CSMD2: variants seen among roughly 807,000 people sequenced by gnomAD.
CSMD2 encodes the protein CUB and sushi domain-containing protein 2.
In CSMD2, 130 loss-of-function variants were observed where a neutral mutation model predicts 398.5. That is an observed-to-expected ratio of 0.33 (90% confidence interval 0.28 to 0.38). The LOEUF is 0.38. Among genes scored for constraint, CSMD2 ranks in the 10% least tolerant of loss-of-function variants. CSMD2 has a pLI of 1.00. For missense variants in CSMD2, 3,829 were observed against 4,764.9 expected, an observed-to-expected ratio of 0.80 and a Z score of 5.78; for synonymous variants, 1,828 against 1,908.5, an observed-to-expected ratio of 0.96 and a Z score of 1.10.
chr1:33,750,718 CAG>C (rs1448602089), intron 13 of CSMD2, among the ~76,000 whole-genome samples: 1 of 152,088 alleles, frequency 6.6e-6, no homozygotes, highest in African/African-American at 2.4e-5. Context: ...TTGAAATTAG[CAG>C]AGAGAGGGTT....
chr1:33,801,356 G>T (rs534773541), intron 10 of CSMD2, among the ~76,000 whole-genome samples: 4 of 152,246 alleles, frequency 2.6e-5, no homozygotes, highest in Middle Eastern at 3.4e-3. Flanking sequence ...GTGTAGGTAG[G>T]GGGCATCAAG....
At chr1:33,904,552 C>T (rs1401176658) in intron 5 of CSMD2, among the ~76,000 whole-genome samples, 1 of 151,818 alleles carries the variant, frequency 6.6e-6, no homozygotes, top group Non-Finnish European at 1.5e-5. Flanking sequence ...TTTGGGAAGG[C>T]AAAAAAGGTA....
rs1658176503 is a variant in CSMD2 at position 33,557,828 on chromosome 1, A to G, written c.8649T>C (p.Ser2883=). 5 of 1,536,086 alleles carry G rather than the reference A, an allele frequency of 3.3e-6. No individual in the cohort carries two copies. The highest frequency in any genetic ancestry group is 2.6e-6 in the Non-Finnish European group (3 of 1,146,878). ...GGTAGAAGCCGTGGTTGCACCGGTA[A>G]GACACAGTGGTGCCGAAGCTGAACC... is the stretch of plus-strand genomic sequence containing the variant. The part of the protein sequence containing the change: ...PHRFSFGTTV[S]YRCNHGFYLL... Residue 2883 remains serine (S), a synonymous_variant, in exon 55 of 71, where the codon TCT becomes TCC. Coordinates refer to ENST00000373381, the MANE Select transcript of CSMD2 (RefSeq NM_001281956.2).
At chr1:33,541,633 G>T (rs1054894293) in intron 58 of CSMD2, among the ~76,000 whole-genome samples, 7 of 152,068 alleles carry the variant, frequency 4.6e-5, no homozygotes, top group African/African-American at 1.7e-4. Context: ...CACCCAGCTT[G>T]CCCATTTTAA....
intron 13 of CSMD2, among the ~76,000 whole-genome samples, chr1:33,767,940 C>T (rs1650730750): frequency 6.6e-6 from 1 of 152,186 alleles, no homozygotes; most frequent in South Asian, 2.1e-4. Flanking sequence ...AACCTGGGTG[C>T]AAATTGCTGC....
chr1:33,612,152 T>C (rs910236657), intron 40 of CSMD2, among the ~76,000 whole-genome samples: 1 of 152,222 alleles, frequency 6.6e-6, no homozygotes, highest in Non-Finnish European at 1.5e-5. Flanking sequence ...CTTGTCTTCA[T>C]GAGACTTACA....
chr1:33,649,946 C>T (rs1643664724), intron 28 of CSMD2, among the ~76,000 whole-genome samples: 1 of 152,184 alleles, frequency 6.6e-6, no homozygotes, highest in African/African-American at 2.4e-5. Flanking sequence ...CTCCTTCCCA[C>T]CTGGCACCTT....
At chr1:34,064,369 G>A (rs1488014434) in intron 2 of CSMD2, among the ~76,000 whole-genome samples, 1 of 152,010 alleles carries the variant, frequency 6.6e-6, no homozygotes, top group Non-Finnish European at 1.5e-5. Flanking sequence ...TGAATGCTTT[G>A]CTGCTTGGAA....
chr1:34,101,840 G>A (rs968064230), intron 1 of CSMD2, among the ~76,000 whole-genome samples: 5 of 151,862 alleles, frequency 3.3e-5, no homozygotes, highest in African/African-American at 1.2e-4. Context: ...ATTTTATCAT[G>A]TTTGACATAC....
chr1:33,820,175 A>G (rs1241621763), intron 8 of CSMD2, among the ~76,000 whole-genome samples: 2 of 152,156 alleles, frequency 1.3e-5, no homozygotes, highest in African/African-American at 4.8e-5. Flanking sequence ...TGCAGGCGCG[A>G]GTTGCCTTCT....
intron 19 of CSMD2, among the ~76,000 whole-genome samples, chr1:33,721,152 G>A (rs1646347177): frequency 6.6e-6 from 1 of 152,192 alleles, no homozygotes; most frequent in East Asian, 1.9e-4. Flanking sequence ...CATCTTTGAA[G>A]ACCAGCTGAA....
chr1:33,603,404 C>T (rs1458285572), intron 42 of CSMD2, among the ~76,000 whole-genome samples: 2 of 152,092 alleles, frequency 1.3e-5, no homozygotes, highest in African/African-American at 4.8e-5. Flanking sequence ...ACACCATGGT[C>T]CAGAATAATG....
In CSMD2 at chr1:33,534,503, CT is replaced by C. The variant is rs575359219; in HGVS notation, c.9880-597del. On this transcript the variant is annotated intron_variant, in intron 62 of 70. Coordinates refer to ENST00000373381, the MANE Select transcript of CSMD2 (RefSeq NM_001281956.2). ...TGCTCTGCTCAGTTATGTTCCCTAC[CT>C]TAACCCTCCACCAGCCCCTCACTGT... 3.2e-3 allele frequency among the ~76,000 whole-genome samples: 488 copies of C among 152,236 alleles called. 5 individuals carry two copies. Among genetic ancestry groups the C allele is most frequent in the Non-Finnish European group, 2.1e-3 (143 of 68,008 alleles).
chr1:33,758,781 T>G (rs554484361), intron 13 of CSMD2, among the ~76,000 whole-genome samples: 2 of 152,300 alleles, frequency 1.3e-5, no homozygotes, highest in African/African-American at 2.4e-5. Context: ...TGAGTGGACA[T>G]GACGTAGGCA....
intron 64 of CSMD2, 40 bp from the exon 65 acceptor site, chr1:33,527,298 C>G (rs1406917535): frequency 1.3e-6 from 2 of 1,529,152 alleles, no homozygotes; most frequent in Non-Finnish European, 1.8e-6. Flanking sequence ...GGTTCAGCTT[C>G]TGGTTCACAC....
At chr1:33,886,402 T>A (rs1641597378) in intron 5 of CSMD2, among the ~76,000 whole-genome samples, 1 of 152,082 alleles carries the variant, frequency 6.6e-6, no homozygotes, top group Admixed American at 6.5e-5. Context: ...ATTGGAAAGA[T>A]ACTTAGGAGG....
intron 2 of CSMD2, among the ~76,000 whole-genome samples, chr1:34,070,260 C>T (rs1655572460): frequency 1.3e-5 from 2 of 152,164 alleles, no homozygotes; most frequent in African/African-American, 4.8e-5. Flanking sequence ...AGGCAAATTC[C>T]AAACATGGAA....
chr1:34,022,213 C>CGG (rs1184641080), intron 3 of CSMD2, among the ~76,000 whole-genome samples: 1 of 152,222 alleles, frequency 6.6e-6, no homozygotes, highest in Non-Finnish European at 1.5e-5. Context: ...ATAGCTTACA[C>CGG]ATCCACTTAG....
At chr1:33,547,909 G>C (rs539646273) in intron 56 of CSMD2, among the ~76,000 whole-genome samples, 2 of 152,350 alleles carry the variant, frequency 1.3e-5, no homozygotes, top group Non-Finnish European at 1.5e-5. Flanking sequence ...CAAATCTCAT[G>C]TTGAATTGTA....
Sources: allele counts gnomAD v4.1 joint callset (sites outside exome capture counted in the v4.1 genomes callset), GRCh38; gene constraint gnomAD v4.1.1; transcripts MANE v1.5; gene names NCBI Gene and HGNC (gene_info 2026-07-23, HGNC 2026-07-21).